TMEM178B: variants seen among roughly 807,000 people sequenced by gnomAD.
TMEM178B encodes transmembrane protein 178B.
Under a neutral mutation model 31.0 loss-of-function variants are expected in TMEM178B, and 5 were observed. That is an observed-to-expected ratio of 0.16 (90% CI 0.08 to 0.34). The LOEUF (loss-of-function observed/expected upper bound fraction) is 0.34. TMEM178B is among the 10% of genes least tolerant of loss of function. The probability of loss-of-function intolerance (pLI) is 1.00; values close to 1 mark genes in which losing one functional copy is unlikely to be tolerated. For synonymous variants in TMEM178B, 164 were observed against 164.0 expected, an observed-to-expected ratio of 1.00 and a Z score of 0.00; for missense variants, 275 against 400.3, an observed-to-expected ratio of 0.69 and a Z score of 2.67.
chr7:141,226,222 G>C (rs188166869), intron 2 of TMEM178B, among the ~76,000 whole-genome samples: 29 of 146,392 alleles, frequency 2.0e-4, no homozygotes, highest in African/African-American at 8.1e-4. Flanking sequence ...CACCCTCTTG[G>C]GGGGAGGGTG....
At chr7:141,453,546 C>A (rs12666428) in intron 3 of TMEM178B, among the ~76,000 whole-genome samples, 7,620 of 152,290 alleles carry the variant, frequency 0.05, 405 homozygotes, top group East Asian at 0.21. Context: ...TAAAGCCTGC[C>A]CAGGCAAGTG....
chr7:141,322,023 A>G (rs1799108276), intron 2 of TMEM178B, among the ~76,000 whole-genome samples: 1 of 152,162 alleles, frequency 6.6e-6, no homozygotes, highest in Non-Finnish European at 1.5e-5. Flanking sequence ...ATGAGAAGGT[A>G]AAATCAAGTT....
chr7:141,386,122 G>A (rs1195410285), intron 2 of TMEM178B, among the ~76,000 whole-genome samples: 1 of 152,202 alleles, frequency 6.6e-6, no homozygotes, highest in Non-Finnish European at 1.5e-5. Context: ...AAAAAACAGA[G>A]ATTTTGAGGG....
rs566110668 is a variant in TMEM178B, at chr7:141,451,768, C to T, written c.634+14023C>T. 1.5e-4 allele frequency among the ~76,000 whole-genome samples: 23 copies of T among 152,280 alleles called. 4 individuals are homozygous for T. The highest frequency in any genetic ancestry group is 1.3e-3 in the Admixed American group (20 of 15,298). On this transcript the variant is annotated intron_variant, in intron 3 of 3. Transcript: ENST00000565468. ...ACATTTTTATGTGTTTTAAGACAAA[C>T]GGCAAAGCTTGGGGCTTATGAGGCA...
At chr7:141,350,664 A>G (rs901528138) in intron 2 of TMEM178B, among the ~76,000 whole-genome samples, 24 of 152,222 alleles carry the variant, frequency 1.6e-4, no homozygotes, top group African/African-American at 5.8e-4. Flanking sequence ...AAAATGTAAT[A>G]TATGTTTACC....
intron 2 of TMEM178B, among the ~76,000 whole-genome samples, chr7:141,237,973 G>T (rs1264669052): frequency 2.0e-5 from 3 of 149,502 alleles, no homozygotes; most frequent in African/African-American, 7.4e-5. Context: ...GCAGTGAGCC[G>T]AGAATGCACC....
intron 1 of TMEM178B, among the ~76,000 whole-genome samples, chr7:141,096,145 A>G (rs1794957670): frequency 6.6e-6 from 1 of 152,170 alleles, no homozygotes; most frequent in Admixed American, 6.5e-5. Context: ...TATTTAATAG[A>G]GTAGTATTCT....
intron 2 of TMEM178B, among the ~76,000 whole-genome samples, chr7:141,234,897 G>A (rs527527464): frequency 2.2e-4 from 34 of 152,194 alleles, no homozygotes; most frequent in Non-Finnish European, 3.8e-4. Context: ...GCTTTGGAAC[G>A]CACGACATGA....
chr7:141,284,562 T>C (rs1798414183), intron 2 of TMEM178B, among the ~76,000 whole-genome samples: 1 of 152,216 alleles, frequency 6.6e-6, no homozygotes, highest in Non-Finnish European at 1.5e-5. Context: ...TGTCTTTTGA[T>C]GATTTTAGCT....
intron 1 of TMEM178B, among the ~76,000 whole-genome samples, chr7:141,096,575 C>A (rs1794963669): frequency 6.6e-6 from 1 of 152,158 alleles, no homozygotes; most frequent in Non-Finnish European, 1.5e-5. Context: ...GGATAGCTGA[C>A]CATGTGGAGG....
intron 2 of TMEM178B, chr7:141,415,419 G>C (rs1425173715): frequency 6.5e-6 from 1 of 152,932 alleles, no homozygotes; most frequent in African/African-American, 2.4e-5. Flanking sequence ...TGTCCATAGA[G>C]ATGGGAAAAT....
At chr7:141,235,627 G>C (rs553746821) in intron 2 of TMEM178B, among the ~76,000 whole-genome samples, 16 of 152,302 alleles carry the variant, frequency 1.1e-4, no homozygotes, top group African/African-American at 3.8e-4. Context: ...CCATGGGCTA[G>C]TCAAGGATAA....
At chr7:141,218,225 C>T (rs1245324008) in intron 2 of TMEM178B, among the ~76,000 whole-genome samples, 2 of 152,082 alleles carry the variant, frequency 1.3e-5, no homozygotes, top group African/African-American at 2.4e-5. Flanking sequence ...ACAGTGGATC[C>T]TTGCACACCT....
chr7:141,300,173 G>A (rs1048115454), intron 2 of TMEM178B, among the ~76,000 whole-genome samples: 5 of 152,110 alleles, frequency 3.3e-5, no homozygotes, highest in African/African-American at 4.8e-5. Flanking sequence ...CCATCAGGAG[G>A]AGCCACGTGG....
At chr7:141,467,131 T>C (rs555943789) in intron 3 of TMEM178B, among the ~76,000 whole-genome samples, 1 of 152,260 alleles carries the variant, frequency 6.6e-6, no homozygotes, top group African/African-American at 2.4e-5. Context: ...AGAAGTCATC[T>C]TGAGGAACTT....
the TMEM178B span, among the ~76,000 whole-genome samples, chr7:141,485,803 G>A: frequency 1.3e-5 from 2 of 152,300 alleles, no homozygotes; most frequent in African/African-American, 2.4e-5. Context: ...GCCACTGATT[G>A]GGCTGCAGCC....
chr7:141,279,331 G>A (rs1448591426), intron 2 of TMEM178B, among the ~76,000 whole-genome samples: 1 of 152,196 alleles, frequency 6.6e-6, no homozygotes, highest in East Asian at 1.9e-4. Context: ...TTTGGTATAA[G>A]AATGTTCTTT....
At chr7:141,198,851 G>A (rs1479299494) in intron 1 of TMEM178B, among the ~76,000 whole-genome samples, 2 of 152,218 alleles carry the variant, frequency 1.3e-5, no homozygotes, top group Admixed American at 6.5e-5. Context: ...TGTCTGCACC[G>A]GGCGTGTGGG....
rs10259385 is a variant in TMEM178B at position 141,153,097 on chromosome 7, G to A, written c.383-59494G>A. ...TTTCAGATGAAAGACACATGCTTTCGGTGAAAATTTGCAAAACATAAAAAA... is the reference window on the plus strand; with the variant it reads ...TTTCAGATGAAAGACACATGCTTTCAGTGAAAATTTGCAAAACATAAAAAA... On this transcript the variant is annotated intron_variant, in intron 1 of 3. Coordinates refer to ENST00000565468, the MANE Select transcript of TMEM178B (RefSeq NM_001195278.2). Among the ~76,000 whole-genome samples, 807 of 152,162 alleles carry A rather than the reference G, an allele frequency of 5.3e-3. 6 individuals are homozygous for A. The highest frequency in any genetic ancestry group is 0.02 in the Middle Eastern group (6 of 294).
Sources: gnomAD v4.1 joint callset for allele counts (sites outside exome capture counted in the v4.1 genomes callset) on GRCh38, gnomAD v4.1.1 for gene constraint, MANE v1.5 for transcripts, NCBI Gene and HGNC (gene_info 2026-07-23, HGNC 2026-07-21) for gene names.